The following LRRC17 variants were observed in gnomAD, a reference collection of about 807,000 sequenced individuals.
LRRC17 encodes leucine-rich repeat-containing protein 17.
In LRRC17, 33 loss-of-function variants were observed where a neutral mutation model predicts 41.5. The observed-to-expected ratio is 0.80, with a 90% CI of 0.60 to 1.06. The LOEUF is 1.06. LRRC17 is among the 50% of genes least tolerant of loss of function. The pLI is 0.00. For missense variants in LRRC17, 491 were observed against 519.3 expected (o/e 0.95, Z 0.53); for synonymous variants, 192 against 197.0 (o/e 0.97, Z 0.21).
intron 1 of LRRC17, among the ~76,000 whole-genome samples, chr7:102,915,262 A>C (rs554492079): frequency 1.2e-3 from 177 of 152,112 alleles, no homozygotes; most frequent in African/African-American, 4.0e-3. Flanking sequence ...AGAATACAGA[A>C]GTAACAGTAT....
At chr7:102,914,083 C>G (rs1041958750) in intron 1 of LRRC17, among the ~76,000 whole-genome samples, 1 of 152,116 alleles carries the variant, frequency 6.6e-6, no homozygotes, top group African/African-American at 2.4e-5. Flanking sequence ...TTTTTTGAGA[C>G]GAAGTTTCGC....
In LRRC17 at chr7:102,941,752, A is replaced by C. The variant is rs561463705; in HGVS notation, c.928+2167A>C. ...AACAAGTTTTAAAGCTGTCTCAAAA[A>C]AAAAAAAAGATTATAATAGTTATTA... On this transcript the variant is annotated intron_variant, in intron 3 of 3. Transcript: ENST00000339431. Among the ~76,000 whole-genome samples the C allele has an allele frequency of 2.6e-5, 4 of 152,282 alleles. No homozygotes were observed. In the East Asian group the frequency reaches 5.8e-4, roughly 22 times the overall value.
intron 1 of LRRC17, among the ~76,000 whole-genome samples, chr7:102,928,712 C>T (rs1386948383): frequency 6.6e-6 from 1 of 152,178 alleles, no homozygotes; most frequent in Non-Finnish European, 1.5e-5. Flanking sequence ...CAACACCTAG[C>T]AGAACACATT....
In LRRC17 at chr7:102,913,209, G is replaced by T. The variant is rs1336256736; in HGVS notation, c.-141+64G>T. On this transcript the variant is annotated intron_variant, in intron 1 of 3. Coordinates refer to ENST00000339431, the MANE Select transcript of LRRC17 (RefSeq NM_001031692.3). ...CCAAACTAAGATTCTGTAAGTTGTG[G>T]AAGTGCCTGAAAAGACAAAAGAGAG... 6 of 1,614,014 alleles carry T rather than the reference G, an allele frequency of 3.7e-6. No homozygotes were observed. The African/African-American group carries it at 8.0e-5, about 22-fold the overall frequency.
chr7:102,927,052 T>G (rs1818277213), intron 1 of LRRC17, among the ~76,000 whole-genome samples: 1 of 151,936 alleles, frequency 6.6e-6, no homozygotes, highest in Non-Finnish European at 1.5e-5. Context: ...AAAACTGAAG[T>G]AAGAGAGTAG....
At position 102,945,080 on chromosome 7, in the gene LRRC17, A is replaced by G. The variant is rs758708978; in HGVS notation, c.*473A>G. On this transcript the variant is annotated 3_prime_UTR_variant, in exon 4 of 4. Transcript: ENST00000339431. ...GTAAGTCATCTTATACATTAAATAA[A>G]TTTCCATTTCTGATTTCTGTGCATT... 6.5e-6 allele frequency: 1 copy of G among 152,712 alleles called. No individual in the cohort carries two copies. The highest frequency in any genetic ancestry group is 2.4e-5 in the African/African-American group (1 of 41,458). 9.5% of individuals were successfully genotyped at this position (152,712 alleles called of 1,614,324 possible).
rs1160268045 is a variant in LRRC17 at position 102,944,761 on chromosome 7, T to C, written c.*154T>C. The C allele has an allele frequency of 6.0e-6, 4 of 671,750 alleles. No homozygotes were observed. The highest frequency in any genetic ancestry group is 1.8e-5 in the African/African-American group (1 of 54,740). The allele number at this position is 671,750 out of a possible 1,614,324, so 41.6% of individuals were successfully genotyped here. On this transcript the variant is annotated 3_prime_UTR_variant, in exon 4 of 4. Coordinates refer to ENST00000339431, the MANE Select transcript of LRRC17 (RefSeq NM_001031692.3). ...ATTATAAGTATTATTGTGACTATTA[T>C]AGTAATCAAGAGAATGCTATCATCC...
At chr7:102,935,225 CCTTTTTTTTTTTCTTT>C in intron 2 of LRRC17, among the ~76,000 whole-genome samples, 2 of 141,706 alleles carry the variant, frequency 1.4e-5, no homozygotes, top group African/African-American at 5.2e-5. Context: ...TGCTCATGCT[CCTTTTTTTTTTTCTTT>C]CTTTTTTTTT....
At chr7:102,933,734 A>G (rs546320945) in intron 1 of LRRC17, 40 bp from the exon 2 acceptor site, 3 of 536,264 alleles carry the variant, frequency 5.6e-6, no homozygotes, top group East Asian at 6.7e-5. Flanking sequence ...AGTGCTTGCA[A>G]TGGGCCTTAA....
At chr7:102,925,421 G>A (rs767155100) in intron 1 of LRRC17, among the ~76,000 whole-genome samples, 9 of 152,062 alleles carry the variant, frequency 5.9e-5, no homozygotes. Flanking sequence ...AAAAATTTTT[G>A]ATAAATTTGA....
chr7:102,942,152 AAT>A, intron 3 of LRRC17: 1 of 569,160 alleles, frequency 1.8e-6, no homozygotes, highest in Admixed American at 2.9e-5. Flanking sequence ...TTCCTACATT[AAT>A]AAATATTTAC....
chr7:102,924,109 A>G (rs1405017802), intron 1 of LRRC17, among the ~76,000 whole-genome samples: 1 of 151,364 alleles, frequency 6.6e-6, no homozygotes, highest in Non-Finnish European at 1.5e-5. Context: ...GTGGTGGCAC[A>G]TGCCTCTAAT....
chr7:102,927,572 G>C (rs1444834656), intron 1 of LRRC17, among the ~76,000 whole-genome samples: 1 of 152,168 alleles, frequency 6.6e-6, no homozygotes, highest in African/African-American at 2.4e-5. Context: ...GGAATTGGTT[G>C]ATTTACAGGG....
chr7:102,932,017 T>C, intron 1 of LRRC17: 1 of 1,261,086 alleles, frequency 7.9e-7, no homozygotes, highest in Non-Finnish European at 1.1e-6. Context: ...GAATGCAATG[T>C]ATTCATTAGA....
intron 1 of LRRC17, among the ~76,000 whole-genome samples, chr7:102,914,813 G>C (rs947401077): frequency 1.3e-5 from 2 of 152,210 alleles, no homozygotes; most frequent in Admixed American, 1.3e-4. Flanking sequence ...TCTTGGGGCT[G>C]TCGAGTGGAC....
chr7:102,938,026 T>C (rs1820671593), intron 2 of LRRC17, among the ~76,000 whole-genome samples: 1 of 152,226 alleles, frequency 6.6e-6, no homozygotes, highest in Admixed American at 6.5e-5. Context: ...CTTAAATATC[T>C]AATGGCAAGA....
At chr7:102,935,874 T>C (rs533057486) in intron 2 of LRRC17, among the ~76,000 whole-genome samples, 1 of 152,312 alleles carries the variant, frequency 6.6e-6, no homozygotes, top group Admixed American at 6.5e-5. Flanking sequence ...TTTTGTTTCT[T>C]TAAGGGCAAG....
chr7:102,941,765 A>G (rs1368294028), intron 3 of LRRC17, among the ~76,000 whole-genome samples: 1 of 152,092 alleles, frequency 6.6e-6, no homozygotes, highest in African/African-American at 2.4e-5. Context: ...AAAAAAGATT[A>G]TAATAGTTAT....
At chr7:102,915,317 TA>T (rs1815627441) in intron 1 of LRRC17, among the ~76,000 whole-genome samples, 1 of 152,130 alleles carries the variant, frequency 6.6e-6, no homozygotes, top group South Asian at 2.1e-4. Context: ...AGGGACATAG[TA>T]GAAGATTTAA....
Sources: allele counts gnomAD v4.1 joint callset (sites outside exome capture counted in the v4.1 genomes callset), GRCh38; gene constraint gnomAD v4.1.1; transcripts MANE v1.5; gene names NCBI Gene and HGNC (gene_info 2026-07-23, HGNC 2026-07-21).